Variants in BMP7 observed in about 807,000 individuals in gnomAD.
BMP7 encodes the protein osteogenic protein 1.
A neutral mutation model predicts 41.2 loss-of-function variants in BMP7; 12 were observed. The ratio of observed to expected loss-of-function variants is 0.29; its 90% CI spans 0.19 to 0.47. The LOEUF (loss-of-function observed/expected upper bound fraction) is 0.47, where lower values mean the gene tolerates loss of function less well. Among genes scored for constraint, BMP7 ranks in the 20% least tolerant of loss-of-function variants. The pLI is 0.99. For missense variants in BMP7, 467 were observed against 606.0 expected (o/e 0.77, Z 2.41); for synonymous variants, 248 against 250.0 (o/e 0.99, Z 0.07).
intron 1 of BMP7, among the ~76,000 whole-genome samples, chr20:57,255,785 G>A (rs1381034561): frequency 1.8e-5 from 2 of 110,666 alleles, no homozygotes; most frequent in East Asian, 2.9e-4. Context: ...GGGGGATAGC[G>A]AGAGACTCCA....
chr20:57,232,852 T>TACACACACACACAC (rs60368986), intron 1 of BMP7, among the ~76,000 whole-genome samples: 3 of 138,042 alleles, frequency 2.2e-5, no homozygotes, highest in South Asian at 2.6e-4. Context: ...AGTCATGAAG[T>TACACACACACACAC]ACACACACAC....
intron 4 of BMP7, among the ~76,000 whole-genome samples, chr20:57,176,650 A>T (rs6070007): frequency 6.6e-6 from 1 of 151,904 alleles, no homozygotes; most frequent in Non-Finnish European, 1.5e-5. Context: ...AGCTCCTATA[A>T]CTCCTGGGGT....
chr20:57,202,626 G>C lies in BMP7; in HGVS notation c.612-3C>G. On this transcript the variant is annotated splice_polypyrimidine_tract_variant and splice_region_variant and intron_variant, in intron 2 of 6. Coordinates refer to ENST00000395863, the MANE Select transcript of BMP7 (RefSeq NM_001719.3). ...CGAGCAGGAAGAGATCCGATTCCCT[G>C]CGAGAGAGGAGGAGAGACACGGGCT... The C allele has an allele frequency of 6.2e-7, 1 of 1,610,516 alleles. No individual in the cohort carries two copies. The highest frequency in any genetic ancestry group is 2.2e-5 in the East Asian group (1 of 44,882).
chr20:57,172,029 T>C (rs1983826434), intron 6 of BMP7, among the ~76,000 whole-genome samples: 1 of 152,206 alleles, frequency 6.6e-6, no homozygotes, highest in South Asian at 2.1e-4. Flanking sequence ...CCCTGGAGAA[T>C]TCACTTTGAT....
intron 1 of BMP7, among the ~76,000 whole-genome samples, chr20:57,234,133 C>G (rs1568724628): frequency 3.9e-5 from 6 of 152,174 alleles, no homozygotes; most frequent in Admixed American, 3.3e-4. Context: ...TCCATCATCA[C>G]TGTCCCAGTT....
At chr20:57,255,218 C>T (rs772814588) in intron 1 of BMP7, among the ~76,000 whole-genome samples, 1 of 152,180 alleles carries the variant, frequency 6.6e-6, no homozygotes, top group Non-Finnish European at 1.5e-5. Flanking sequence ...CTGCACCCAG[C>T]AAGAGCTGGA....
Position 57,266,075 on chromosome 20 carries a change from C to A in BMP7, c.48G>T (p.Ala16=), listed in dbSNP as rs757079660. The A allele has an allele frequency of 8.4e-6, 13 of 1,538,822 alleles. No homozygotes were observed. In the Admixed American group the frequency reaches 2.4e-4, roughly 28 times the overall value. The part of the protein sequence containing the change: ...LRAAAPHSFV[A]LWAPLFLLRS... ...GCAGCAGGAACAGGGGTGCCCAGAG[C>A]GCCACGAAGCTGTGCGGCGCCGCAG... The change falls in exon 1 of 7, where the codon GCG becomes GCT. Residue 16 remains alanine, a synonymous_variant. Transcript: ENST00000395863.
intron 1 of BMP7, among the ~76,000 whole-genome samples, chr20:57,253,446 T>A (rs1363602809): frequency 6.6e-6 from 1 of 152,222 alleles, no homozygotes; most frequent in Non-Finnish European, 1.5e-5. Flanking sequence ...AACTAACAGC[T>A]GCTTTATATC....
intron 3 of BMP7, among the ~76,000 whole-genome samples, chr20:57,199,947 A>G (rs894746197): frequency 6.6e-6 from 1 of 152,232 alleles, no homozygotes; most frequent in African/African-American, 2.4e-5. Flanking sequence ...ACAGGGACAC[A>G]GCATCTAATC....
At chr20:57,186,675 G>A (rs1300479003) in intron 3 of BMP7, among the ~76,000 whole-genome samples, 3 of 152,150 alleles carry the variant, frequency 2.0e-5, no homozygotes, top group Non-Finnish European at 2.9e-5. Context: ...AGGGGTCAGA[G>A]GCCAGCAAAA....
rs188341424 is a variant in BMP7 at position 57,261,602 on chromosome 20, G to A, written c.418+4103C>T. Among the ~76,000 whole-genome samples, 3 of 152,340 alleles carry A rather than the reference G, an allele frequency of 2.0e-5. 1 individual carries two copies. The East Asian group carries it at 5.8e-4, about 29-fold the overall frequency. Reference sequence around the variant, plus strand: ...GGTTACGAAAAACACAGCTGTTGGTGCACTCCTATAGCAAAGGCGCTCTGC... The same window carrying A: ...GGTTACGAAAAACACAGCTGTTGGTACACTCCTATAGCAAAGGCGCTCTGC... On this transcript the variant is annotated intron_variant, in intron 1 of 6. Coordinates refer to ENST00000395863, the MANE Select transcript of BMP7 (RefSeq NM_001719.3). This position sits in a 1 kb window ranked among gnomAD's most constrained non-coding sequence, Gnocchi z 4.1.
chr20:57,187,344 A>T (rs1398898712), intron 3 of BMP7, among the ~76,000 whole-genome samples: 3 of 152,066 alleles, frequency 2.0e-5, no homozygotes, highest in Non-Finnish European at 4.4e-5. Context: ...AGCCAACCGG[A>T]TTTTCATTAA....
intron 3 of BMP7, among the ~76,000 whole-genome samples, chr20:57,189,244 C>T (rs1236274652): frequency 6.6e-6 from 1 of 152,228 alleles, no homozygotes; most frequent in Non-Finnish European, 1.5e-5. Context: ...GAAAACAATA[C>T]CTGATGACTG....
At chr20:57,205,431 G>A (rs1227649665) in intron 2 of BMP7, among the ~76,000 whole-genome samples, 1 of 152,182 alleles carries the variant, frequency 6.6e-6, no homozygotes, top group Non-Finnish European at 1.5e-5. Flanking sequence ...TCTCCAGTTT[G>A]CCTGGATGAC....
chr20:57,181,496 T>TA (rs67768281), intron 4 of BMP7, among the ~76,000 whole-genome samples: 8 of 139,578 alleles, frequency 5.7e-5, no homozygotes, highest in African/African-American at 1.8e-4. Flanking sequence ...ACCCTGTCTC[T>TA]AAAAAAAAAA....
At chr20:57,211,566 C>T (rs1412268748) in intron 2 of BMP7, among the ~76,000 whole-genome samples, 1 of 145,988 alleles carries the variant, frequency 6.8e-6, no homozygotes, top group African/African-American at 2.8e-5. Flanking sequence ...CCACCTTCCA[C>T]AGCAGCAGGG....
chr20:57,173,997 T>C (rs374736988), intron 5 of BMP7, among the ~76,000 whole-genome samples: 35 of 152,278 alleles, frequency 2.3e-4, no homozygotes, highest in Admixed American at 1.8e-3. Flanking sequence ...CTTAAGCACA[T>C]GGAATCTTCC....
At chr20:57,175,459 G>C (rs1365833712) in intron 4 of BMP7, among the ~76,000 whole-genome samples, 2 of 152,200 alleles carry the variant, frequency 1.3e-5, no homozygotes, top group Non-Finnish European at 2.9e-5. Flanking sequence ...GCAGGGGCAA[G>C]AGGATGCGGG....
chr20:57,177,370 CAG>C lies in BMP7; in HGVS notation c.959-2365_959-2364del, dbSNP rs547826434. 1.9e-4 allele frequency among the ~76,000 whole-genome samples: 29 copies of C among 150,950 alleles called. No individual in the cohort carries two copies. In the South Asian group the frequency reaches 4.8e-3, roughly 25 times the overall value. On this transcript the variant is annotated intron_variant, in intron 4 of 6. Transcript: ENST00000395863. ...TTCATCAGCAATTTTTTTTTTGAGA[CAG>C]AGTCTTGCTCTGTTGCCCAGGCTGG...
Sources: allele counts gnomAD v4.1 joint callset (sites outside exome capture counted in the v4.1 genomes callset), GRCh38; gene constraint gnomAD v4.1.1; non-coding constraint Gnocchi (gnomAD v3.1); transcripts MANE v1.5; gene names NCBI Gene and HGNC (gene_info 2026-07-23, HGNC 2026-07-21).